The following TYW1B variants were observed in gnomAD, a reference collection of about 807,000 sequenced individuals.
TYW1B encodes the protein tRNA-yW synthesizing protein 1 homolog B, also known as S-adenosyl-L-methionine-dependent tRNA 4-demethylwyosine synthase TYW1B.
TYW1B carries 73 observed loss-of-function variants against 86.9 expected under a neutral mutation model. The observed-to-expected ratio is 0.84, with a 90% confidence interval of 0.70 to 1.02. TYW1B has a LOEUF of 1.02. Among genes scored for constraint, TYW1B ranks in the 50% least tolerant of loss-of-function variants. The pLI is 0.00. For synonymous variants in TYW1B, 248 were observed against 292.8 expected (o/e 0.85, Z 1.56); for missense variants, 637 against 827.4 (o/e 0.77, Z 2.82).
intron 6 of TYW1B, among the ~76,000 whole-genome samples, chr7:72,791,378 G>C (rs539922415): frequency 6.8e-6 from 1 of 146,506 alleles, no homozygotes; most frequent in Admixed American, 6.9e-5. Context: ...AGTTGTCAAT[G>C]CAGCGCGACA....
intron 7 of TYW1B, among the ~76,000 whole-genome samples, chr7:72,748,756 C>G (rs557123683): frequency 6.6e-6 from 1 of 151,724 alleles, no homozygotes; most frequent in Admixed American, 6.6e-5. Flanking sequence ...AAATGTTGAA[C>G]CTGCCTTGCA....
intron 13 of TYW1B, among the ~76,000 whole-genome samples, chr7:72,612,039 CTT>C (rs1467334474): frequency 6.6e-6 from 1 of 151,886 alleles, no homozygotes; most frequent in Non-Finnish European, 1.5e-5. Context: ...CTCTTCTTCT[CTT>C]TTTCTCTCTC....
intron 11 of TYW1B, among the ~76,000 whole-genome samples, chr7:72,637,580 T>C (rs1554440938): frequency 6.6e-6 from 1 of 152,120 alleles, no homozygotes; most frequent in Non-Finnish European, 1.5e-5. Flanking sequence ...ATAACCAACT[T>C]TCGCTTTTTT....
At chr7:72,793,879 C>T (rs1554474020) in intron 6 of TYW1B, among the ~76,000 whole-genome samples, 2 of 152,068 alleles carry the variant, frequency 1.3e-5, no homozygotes, top group African/African-American at 4.8e-5. Context: ...AAGTTCTCTC[C>T]ACTCCCTCAA....
In TYW1B at chr7:72,710,382, T is replaced by C. The variant is rs35442607; in HGVS notation, c.1370+3239A>G. Among the ~76,000 whole-genome samples, 978 of 152,338 alleles carry C rather than the reference T, an allele frequency of 6.4e-3. 7 individuals are homozygous for C. The highest frequency in any genetic ancestry group is 9.8e-3 in the Non-Finnish European group (670 of 68,028). ...ACAGAAATGGCAACCCTATGTAAAA[T>C]AGACACATTGACTTTTAAAAAACAT... On this transcript the variant is annotated intron_variant, in intron 10 of 13. Coordinates refer to ENST00000620995, the MANE Select transcript of TYW1B (RefSeq NM_001145440.3).
chr7:72,656,417 T>C (rs1810337845), intron 11 of TYW1B, among the ~76,000 whole-genome samples: 1 of 152,174 alleles, frequency 6.6e-6, no homozygotes, highest in Non-Finnish European at 1.5e-5. Flanking sequence ...GAAAGCATGA[T>C]ACCTCTTGTG....
At chr7:72,710,720 A>C (rs1786637222) in intron 10 of TYW1B, among the ~76,000 whole-genome samples, 2 of 152,156 alleles carry the variant, frequency 1.3e-5, no homozygotes, top group African/African-American at 2.4e-5. Context: ...AGGCAGGAGA[A>C]TCGCTTGAAC....
chr7:72,682,331 G>A (rs1430724517), intron 11 of TYW1B, among the ~76,000 whole-genome samples: 2 of 152,084 alleles, frequency 1.3e-5, no homozygotes, highest in African/African-American at 4.8e-5. Flanking sequence ...TTTAAAGATG[G>A]TTCATCAATA....
intron 8 of TYW1B, among the ~76,000 whole-genome samples, chr7:72,733,074 A>G (rs1219113579): frequency 6.6e-6 from 1 of 152,114 alleles, no homozygotes; most frequent in Non-Finnish European, 1.5e-5. Flanking sequence ...ACAGATCATT[A>G]ACAAGATTAA....
chr7:72,625,948 C>T (rs1190702664), intron 12 of TYW1B, among the ~76,000 whole-genome samples: 4 of 150,158 alleles, frequency 2.7e-5, no homozygotes, highest in African/African-American at 7.4e-5. Flanking sequence ...TCCAGCCAAG[C>T]TGCTTTATTA....
intron 11 of TYW1B, among the ~76,000 whole-genome samples, chr7:72,658,374 G>A (rs551506772): frequency 6.6e-6 from 1 of 152,044 alleles, no homozygotes; most frequent in Admixed American, 6.5e-5. Context: ...TAAAAATATT[G>A]TTACACAAAC....
At chr7:72,644,780 A>C (rs1375431396) in intron 11 of TYW1B, among the ~76,000 whole-genome samples, 2 of 151,698 alleles carry the variant, frequency 1.3e-5, no homozygotes, top group East Asian at 3.9e-4. Context: ...AGGAAAAACA[A>C]CACAATGTCT....
intron 11 of TYW1B, among the ~76,000 whole-genome samples, chr7:72,685,917 T>C (rs1813997358): frequency 6.6e-6 from 1 of 152,050 alleles, no homozygotes; most frequent in African/African-American, 2.4e-5. Context: ...CTCCAAAATA[T>C]ACAAAGAACT....
intron 11 of TYW1B, among the ~76,000 whole-genome samples, chr7:72,659,867 G>A (rs1326906374): frequency 3.3e-5 from 5 of 152,336 alleles, no homozygotes; most frequent in African/African-American, 7.2e-5. Context: ...CGAGGAAGCC[G>A]TTATAGATAT....
At chr7:72,753,545 A>C (rs1787536867) in intron 7 of TYW1B, among the ~76,000 whole-genome samples, 1 of 151,152 alleles carries the variant, frequency 6.6e-6, no homozygotes, top group Non-Finnish European at 1.5e-5. Flanking sequence ...CAGTGGCACA[A>C]TCTTGGCTCA....
chr7:72,695,015 G>A (rs190959565), intron 10 of TYW1B, among the ~76,000 whole-genome samples, 193 bp from the exon 11 acceptor site: 408 of 152,208 alleles, frequency 2.7e-3, no homozygotes, highest in African/African-American at 9.4e-3. Context: ...TTTTTTAAAT[G>A]ACTGGAAACC....
chr7:72,735,225 G>T (rs552394143), intron 8 of TYW1B, among the ~76,000 whole-genome samples: 1 of 152,112 alleles, frequency 6.6e-6, no homozygotes, highest in African/African-American at 2.4e-5. Flanking sequence ...GCAGATAAAT[G>T]GATAAAGGAA....
At chr7:72,825,593 T>C (rs1788915790) in intron 2 of TYW1B, among the ~76,000 whole-genome samples, 1 of 151,950 alleles carries the variant, frequency 6.6e-6, no homozygotes, top group South Asian at 2.1e-4. Context: ...GGCAGGAGAA[T>C]TGCTTGAGGT....
intron 9 of TYW1B, among the ~76,000 whole-genome samples, chr7:72,720,227 C>A (rs1786870342): frequency 6.6e-6 from 1 of 152,134 alleles, no homozygotes; most frequent in African/African-American, 2.4e-5. Flanking sequence ...AGCAACATGG[C>A]TGCCATCAAC....
Sources: gnomAD v4.1 joint callset for allele counts (sites outside exome capture counted in the v4.1 genomes callset) on GRCh38, gnomAD v4.1.1 for gene constraint, MANE v1.5 for transcripts, NCBI Gene and HGNC (gene_info 2026-07-23, HGNC 2026-07-21) for gene names.